Variants in GALNT13 observed in about 807,000 individuals in gnomAD.
GALNT13 encodes UDP-GalNAc:polypeptide N-acetylgalactosaminyltransferase 13.
Under a neutral mutation model 64.2 loss-of-function variants are expected in GALNT13, and 28 were observed. That is an observed-to-expected ratio of 0.44 (90% confidence interval 0.32 to 0.60). The LOEUF is 0.60. Among genes scored for constraint, GALNT13 ranks in the 20% least tolerant of loss-of-function variants. GALNT13 has a pLI of 0.05. For missense variants in GALNT13, 577 were observed against 669.8 expected (o/e 0.86, Z 1.53); for synonymous variants, 214 against 224.6 (o/e 0.95, Z 0.42).
chr2:153,249,048 A>C, the GALNT13 span, among the ~76,000 whole-genome samples: 28 of 152,150 alleles, frequency 1.8e-4, no homozygotes, highest in African/African-American at 6.0e-4. Context: ...GACAAGAGAA[A>C]GAAATAAATG....
the GALNT13 span, among the ~76,000 whole-genome samples, chr2:153,680,984 C>T: frequency 0.01 from 1,578 of 152,010 alleles, 29 homozygotes; most frequent in African/African-American, 0.035. Flanking sequence ...TCTTCAGGGC[C>T]GTAGGCCAAG....
chr2:154,344,581 A>T (rs902066738), intron 9 of GALNT13, among the ~76,000 whole-genome samples: 1 of 152,050 alleles, frequency 6.6e-6, no homozygotes, highest in Non-Finnish European at 1.5e-5. Flanking sequence ...TGAAGATTCC[A>T]GCTCAAGGTG....
chr2:154,367,250 TG>T (rs1559116688), intron 9 of GALNT13, among the ~76,000 whole-genome samples: 1 of 152,172 alleles, frequency 6.6e-6, no homozygotes, highest in East Asian at 1.9e-4. Flanking sequence ...GAGTTCAAGA[TG>T]TTAAGATCCC....
chr2:153,900,804 T>C (rs1164813353), intron 1 of GALNT13, 132 bp from the exon 2 acceptor site: 2 of 152,170 alleles, frequency 1.3e-5, no homozygotes, highest in East Asian at 3.9e-4. Context: ...TTGGTAGATA[T>C]ATGGTCTACA....
chr2:153,441,941 C>G, the GALNT13 span, among the ~76,000 whole-genome samples: 1 of 152,112 alleles, frequency 6.6e-6, no homozygotes, highest in Non-Finnish European at 1.5e-5. Context: ...CCCTTTATTT[C>G]TTTCTCTTTC....
At chr2:153,414,650 A>G in the GALNT13 span, among the ~76,000 whole-genome samples, 1 of 152,114 alleles carries the variant, frequency 6.6e-6, no homozygotes, top group African/African-American at 2.4e-5. Flanking sequence ...TCATATATGC[A>G]AAGGTACTAA....
chr2:153,542,810 G>C, the GALNT13 span, among the ~76,000 whole-genome samples: 3 of 152,216 alleles, frequency 2.0e-5, no homozygotes, highest in Admixed American at 2.0e-4. Flanking sequence ...AAGACCAACA[G>C]ATTTGGTGAG....
the GALNT13 span, among the ~76,000 whole-genome samples, chr2:153,359,719 A>G: frequency 1.3e-5 from 2 of 151,632 alleles, no homozygotes. Flanking sequence ...ATTAATTAGA[A>G]TAAAACTCAG....
the GALNT13 span, among the ~76,000 whole-genome samples, chr2:153,727,164 T>G: frequency 6.6e-6 from 1 of 152,156 alleles, no homozygotes; most frequent in African/African-American, 2.4e-5. Flanking sequence ...AAGCTGTAGT[T>G]AAAAATAACA....
intron 3 of GALNT13, among the ~76,000 whole-genome samples, chr2:153,991,575 T>A (rs16824472): frequency 0.18 from 27,979 of 152,038 alleles, 4,765 homozygotes; most frequent in East Asian, 0.76. Flanking sequence ...AGAACACTCT[T>A]TGGCCACTTT....
chr2:153,764,826 G>T, the GALNT13 span, among the ~76,000 whole-genome samples: 9 of 152,180 alleles, frequency 5.9e-5, no homozygotes, highest in African/African-American at 1.9e-4. Context: ...CAGGGACTTG[G>T]TGCCCTGAAT....
chr2:153,950,678 A>C (rs531820131), intron 3 of GALNT13, among the ~76,000 whole-genome samples: 1 of 152,266 alleles, frequency 6.6e-6, no homozygotes, highest in East Asian at 1.9e-4. Context: ...AAGTTGATTA[A>C]TAAATGTTGG....
chr2:153,888,462 T>G (rs932645989), intron 1 of GALNT13, among the ~76,000 whole-genome samples: 1 of 151,990 alleles, frequency 6.6e-6, no homozygotes, highest in African/African-American at 2.4e-5. Flanking sequence ...TGCAAGTAAA[T>G]AAATTATTTT....
At chr2:153,742,639 A>G in the GALNT13 span, among the ~76,000 whole-genome samples, 606 of 152,018 alleles carry the variant, frequency 4.0e-3, 9 homozygotes, top group East Asian at 0.038. Flanking sequence ...TCCACATGTA[A>G]TTTAGCTCCC....
At chr2:153,893,152 G>A (rs1339886902) in intron 1 of GALNT13, among the ~76,000 whole-genome samples, 1 of 152,048 alleles carries the variant, frequency 6.6e-6, no homozygotes, top group African/African-American at 2.4e-5. Flanking sequence ...GCATAAATGT[G>A]CCAATAGCAG....
chr2:153,490,731 A>T, the GALNT13 span, among the ~76,000 whole-genome samples: 2 of 152,156 alleles, frequency 1.3e-5, no homozygotes, highest in African/African-American at 4.8e-5. Flanking sequence ...AGGCCCAGGC[A>T]GTCAGATCAC....
chr2:153,081,657 T>C, the GALNT13 span, among the ~76,000 whole-genome samples: 2 of 152,182 alleles, frequency 1.3e-5, no homozygotes, highest in African/African-American at 4.8e-5. Flanking sequence ...CTTAACCTAG[T>C]GATTTCTAGT....
rs1321765550 is a variant in GALNT13, at chr2:153,872,207, G to A, written c.-273G>A. On this transcript the variant is annotated 5_prime_UTR_variant, in exon 1 of 13. Transcript: ENST00000392825. ...CGCGGACTCGGCGAGCCCCGCACTC[G>A]GCGCGGCCGGCCGGCGCCTGCTGGG... 1 of 151,498 alleles carries A rather than the reference G, an allele frequency of 6.6e-6. No individual in the cohort carries two copies. Among genetic ancestry groups the A allele is most frequent in the East Asian group, 2.0e-4 (1 of 5,114 alleles). 9.4% of individuals were successfully genotyped at this position (151,498 alleles called of 1,614,324 possible).
chr2:153,879,116 A>G (rs898416205), intron 1 of GALNT13, among the ~76,000 whole-genome samples: 3 of 152,208 alleles, frequency 2.0e-5, no homozygotes, highest in East Asian at 1.9e-4. Flanking sequence ...CTTGTAGTAT[A>G]TCACTTAACA....
Sources: gnomAD v4.1 joint callset for allele counts (sites outside exome capture counted in the v4.1 genomes callset) on GRCh38, gnomAD v4.1.1 for gene constraint, MANE v1.5 for transcripts, NCBI Gene and HGNC (gene_info 2026-07-23, HGNC 2026-07-21) for gene names.